The following GALNT1 variants were observed in gnomAD, a reference collection of about 807,000 sequenced individuals.
GALNT1 encodes GalNAc transferase 1.
In GALNT1, 17 loss-of-function variants were observed where a neutral mutation model predicts 65.7. The observed-to-expected ratio is 0.26, with a 90% CI of 0.18 to 0.39. The LOEUF is 0.39. Among genes scored for constraint, GALNT1 ranks in the 10% least tolerant of loss-of-function variants. GALNT1 has a pLI of 1.00. For synonymous variants in GALNT1, 210 were observed against 219.7 expected, an observed-to-expected ratio of 0.96 and a Z score of 0.39; for missense variants, 460 against 672.8, an observed-to-expected ratio of 0.68 and a Z score of 3.50.
chr18:35,676,116 G>A (rs768203384), intron 3 of GALNT1, among the ~76,000 whole-genome samples: 8 of 152,178 alleles, frequency 5.3e-5, no homozygotes, highest in Non-Finnish European at 1.2e-4. Flanking sequence ...GACTTAGGAG[G>A]AGGGAGCTGC....
intron 1 of GALNT1, among the ~76,000 whole-genome samples, chr18:35,621,872 C>A (rs1260839036): frequency 2.0e-5 from 3 of 152,146 alleles, no homozygotes; most frequent in Non-Finnish European, 4.4e-5. Flanking sequence ...CCATCTCTGT[C>A]ATATATGAAG....
intron 2 of GALNT1, among the ~76,000 whole-genome samples, chr18:35,658,686 C>T (rs1214175552): frequency 6.7e-6 from 1 of 150,220 alleles, no homozygotes; most frequent in Non-Finnish European, 1.5e-5. Context: ...TTAGCATGTA[C>T]ATTATGTGAC....
chr18:35,582,213 C>G (rs1462779578), intron 1 of GALNT1, among the ~76,000 whole-genome samples: 1 of 152,142 alleles, frequency 6.6e-6, no homozygotes, highest in Admixed American at 6.5e-5. Flanking sequence ...CGGTGCCAGC[C>G]TGACCCTCGC....
At chr18:35,633,704 A>T (rs1027890370) in intron 1 of GALNT1, among the ~76,000 whole-genome samples, 32 of 152,190 alleles carry the variant, frequency 2.1e-4, no homozygotes, top group African/African-American at 7.2e-4. Context: ...TAATAAAAAA[A>T]ATTATGTTGA....
At position 35,582,915 on chromosome 18, in the gene GALNT1, T is replaced by A. The variant is rs184033281; in HGVS notation, c.-104+1053T>A. Among the ~76,000 whole-genome samples the A allele has an allele frequency of 1.1e-3, 171 of 152,342 alleles. 1 individual carries two copies. Among genetic ancestry groups the A allele is most frequent in the South Asian group, 7.0e-3 (34 of 4,830 alleles). On this transcript the variant is annotated intron_variant, in intron 1 of 11. Transcript: ENST00000269195. Reference sequence around the variant, plus strand: ...ACCACATGTGACTATTAAAATTAAATTTTAAAAATTCAGCTCCTCGGTCAC... The same window carrying A: ...ACCACATGTGACTATTAAAATTAAAATTTAAAAATTCAGCTCCTCGGTCAC...
chr18:35,660,018 T>C lies in GALNT1; in HGVS notation c.140-3610T>C, dbSNP rs531618046. 9.2e-5 allele frequency: 14 copies of C among 152,254 alleles called. No individual in the cohort carries two copies. In the East Asian group the frequency reaches 2.3e-3, roughly 25 times the overall value. 9.4% of individuals were successfully genotyped at this position (152,254 alleles called of 1,614,324 possible). ...ATACCTTTGTTTATAGAATATTCTGTATACCACCGTAAAAGTGATAACATT... is the reference window on the plus strand; with the variant it reads ...ATACCTTTGTTTATAGAATATTCTGCATACCACCGTAAAAGTGATAACATT... On this transcript the variant is annotated intron_variant, in intron 2 of 11. Coordinates refer to ENST00000269195, the MANE Select transcript of GALNT1 (RefSeq NM_020474.4).
At chr18:35,604,375 A>C (rs537138522) in intron 1 of GALNT1, among the ~76,000 whole-genome samples, 1 of 152,296 alleles carries the variant, frequency 6.6e-6, no homozygotes, top group Non-Finnish European at 1.5e-5. Flanking sequence ...TAGTGCTGCG[A>C]TAAACATACA....
intron 4 of GALNT1, 69 bp from the exon 5 acceptor site, chr18:35,683,322 C>A: frequency 1.5e-6 from 2 of 1,296,504 alleles, no homozygotes; most frequent in South Asian, 1.4e-5. Context: ...TTTTCCAAAT[C>A]AAAATTACTT....
In GALNT1 at chr18:35,662,231, A is replaced by G. The variant is rs190713802; in HGVS notation, c.140-1397A>G. ...ATTTTTAAAAACTCTACCAACTCTC[A>G]TATTTAAGGAGCTTACTTACTGGGC... On this transcript the variant is annotated intron_variant, in intron 2 of 11. Coordinates refer to ENST00000269195, the MANE Select transcript of GALNT1 (RefSeq NM_020474.4). 5.9e-5 allele frequency among the ~76,000 whole-genome samples: 9 copies of G among 152,310 alleles called. No homozygotes were observed. In the East Asian group the frequency reaches 1.7e-3, roughly 29 times the overall value.
At chr18:35,600,378 C>T (rs892444088) in intron 1 of GALNT1, among the ~76,000 whole-genome samples, 1 of 152,092 alleles carries the variant, frequency 6.6e-6, no homozygotes, top group African/African-American at 2.4e-5. Context: ...ATTGTGTATT[C>T]TGCAACTTTA....
chr18:35,689,946 G>GTGAA (rs1389457970), intron 7 of GALNT1, among the ~76,000 whole-genome samples: 1 of 152,138 alleles, frequency 6.6e-6, no homozygotes, highest in Non-Finnish European at 1.5e-5. Context: ...TTTGTTCCCA[G>GTGAA]TGAATCGCTT....
At chr18:35,617,962 G>T (rs2046805669) in intron 1 of GALNT1, among the ~76,000 whole-genome samples, 1 of 151,194 alleles carries the variant, frequency 6.6e-6, no homozygotes, top group Admixed American at 6.6e-5. Context: ...TTCAGATTAG[G>T]GTTCTTTATA....
At chr18:35,657,160 A>G (rs762622128) in intron 2 of GALNT1, among the ~76,000 whole-genome samples, 19 of 152,262 alleles carry the variant, frequency 1.2e-4, no homozygotes, top group Non-Finnish European at 2.5e-4. Context: ...CAGTGGCACA[A>G]TCTCGGCTCA....
chr18:35,626,036 C>T (rs185968683), intron 1 of GALNT1, among the ~76,000 whole-genome samples: 3 of 152,206 alleles, frequency 2.0e-5, no homozygotes, highest in Admixed American at 1.3e-4. Context: ...TTCTTGCCTC[C>T]CTATTTTAAC....
intron 3 of GALNT1, among the ~76,000 whole-genome samples, chr18:35,666,944 T>TA (rs1016001564): frequency 2.2e-4 from 33 of 147,480 alleles, no homozygotes; most frequent in Admixed American, 5.4e-4. Flanking sequence ...TAACCTTTTT[T>TA]AAAAAAAAAA....
chr18:35,648,194 C>A (rs1288648643), intron 1 of GALNT1, among the ~76,000 whole-genome samples: 3 of 151,840 alleles, frequency 2.0e-5, no homozygotes, highest in Admixed American at 2.0e-4. Context: ...TGCAAATGGG[C>A]CCTGACTTAA....
At chr18:35,599,298 C>T (rs2046548236) in intron 1 of GALNT1, among the ~76,000 whole-genome samples, 1 of 151,124 alleles carries the variant, frequency 6.6e-6, no homozygotes, top group African/African-American at 2.4e-5. Flanking sequence ...TTGCCCAGAC[C>T]AATGTCCTGA....
chr18:35,693,356 G>A (rs949772359), intron 9 of GALNT1, among the ~76,000 whole-genome samples: 1 of 152,182 alleles, frequency 6.6e-6, no homozygotes, highest in Admixed American at 6.5e-5. Context: ...TGAACAAGGT[G>A]GAGAGTAGTA....
intron 1 of GALNT1, among the ~76,000 whole-genome samples, chr18:35,629,817 T>TCA (rs1332791911): frequency 1.3e-5 from 2 of 152,160 alleles, no homozygotes; most frequent in Non-Finnish European, 2.9e-5. Flanking sequence ...GAAACCCATC[T>TCA]CGTGCAGAGA....
Sources: gnomAD v4.1 joint callset for allele counts (sites outside exome capture counted in the v4.1 genomes callset) on GRCh38, gnomAD v4.1.1 for gene constraint, MANE v1.5 for transcripts, NCBI Gene and HGNC (gene_info 2026-07-23, HGNC 2026-07-21) for gene names.